Variants in KPNA6 observed in about 807,000 individuals in gnomAD.
The protein encoded by KPNA6 is importin subunit alpha-7.
Under a neutral mutation model 72.0 loss-of-function variants are expected in KPNA6, and 9 were observed. That is an observed-to-expected ratio of 0.13 (90% CI 0.08 to 0.22). The LOEUF (loss-of-function observed/expected upper bound fraction) is 0.22, where lower values mean the gene tolerates loss of function less well. Ranked by LOEUF, KPNA6 falls within the 10% of genes least tolerant of loss-of-function variation. The probability of loss-of-function intolerance (pLI) is 1.00; values close to 1 mark genes in which losing one functional copy is unlikely to be tolerated. For missense variants in KPNA6, 374 were observed against 655.7 expected (o/e 0.57, Z 4.69); for synonymous variants, 219 against 242.1 (o/e 0.90, Z 0.89).
At chr1:32,123,935 G>T (rs1641483353) in intron 1 of KPNA6, among the ~76,000 whole-genome samples, 1 of 150,092 alleles carries the variant, frequency 6.7e-6, no homozygotes, top group Non-Finnish European at 1.5e-5. Context: ...TCAGGAGGCT[G>T]AGGCAGGAGA....
rs1186711432 is a variant in KPNA6 at position 32,172,879 on chromosome 1, G to A, written c.*1985G>A. 3 of 385,722 alleles carry A rather than the reference G, an allele frequency of 7.8e-6. No homozygotes were observed. Among genetic ancestry groups the A allele is most frequent in the African/African-American group, 6.2e-5 (3 of 48,198 alleles). 23.9% of individuals were successfully genotyped at this position (385,722 alleles called of 1,614,324 possible). A position where few individuals can be genotyped will look rare whatever the true frequency, so the allele number is the denominator to read the frequency against. ...TCCTTCTGGCTCAGGTGAAATCCAT[G>A]CCCTTCTGCTTATAGACCTAAAGTT... On this transcript the variant is annotated 3_prime_UTR_variant, in exon 14 of 14. Coordinates refer to ENST00000373625, the MANE Select transcript of KPNA6 (RefSeq NM_012316.5).
At chr1:32,118,260 CCTT>C (rs371544986) in intron 1 of KPNA6, among the ~76,000 whole-genome samples, 40 of 152,152 alleles carry the variant, frequency 2.6e-4, no homozygotes, top group African/African-American at 9.6e-4. Flanking sequence ...TTAAATACTG[CCTT>C]CTTCATGAAC....
chr1:32,163,137 A>G (rs1468257744), intron 9 of KPNA6, 98 bp from the exon 10 acceptor site: 2 of 749,822 alleles, frequency 2.7e-6, no homozygotes, highest in Non-Finnish European at 2.4e-6. Flanking sequence ...AAAAGGGTAC[A>G]GGTTCCTTAA....
At chr1:32,165,998 A>AT in intron 10 of KPNA6, 107 bp from the exon 11 acceptor site, 1 of 854,386 alleles carries the variant, frequency 1.2e-6, no homozygotes, top group African/African-American at 1.8e-5. Flanking sequence ...ACTCTGTCTC[A>AT]AAAAAAAAAA....
In KPNA6 at chr1:32,144,158, T is replaced by G. The variant is rs556872925; in HGVS notation, c.5-10430T>G. Among the ~76,000 whole-genome samples the G allele has an allele frequency of 5.3e-5, 8 of 152,316 alleles. No homozygotes were observed. The East Asian group carries it at 1.3e-3, about 26-fold the overall frequency. ...AACACATAACAATATGCCAGCATCA[T>G]CACTTTTGCACTTTGGGGCCATTAT... On this transcript the variant is annotated intron_variant, in intron 1 of 13. Coordinates refer to ENST00000373625, the MANE Select transcript of KPNA6 (RefSeq NM_012316.5).
rs577275619 is a variant in KPNA6, at chr1:32,141,351, G to C, written c.5-13237G>C. On this transcript the variant is annotated intron_variant, in intron 1 of 13. Transcript: ENST00000373625. The stretch of plus-strand genomic sequence containing the variant: ...CCTCAGTTTTTTCATTTATCCATTA[G>C]GGCTTTTTTTTTTTAAGTTAATCCT... 3.2e-4 allele frequency among the ~76,000 whole-genome samples: 40 copies of C among 126,066 alleles called. No homozygotes were observed. The South Asian group carries it at 9.0e-3, about 28-fold the overall frequency. 82.7% of individuals were successfully genotyped at this position (126,066 alleles called of 152,430 possible).
intron 1 of KPNA6, among the ~76,000 whole-genome samples, chr1:32,123,963 G>A (rs567289841): frequency 6.7e-6 from 1 of 150,004 alleles, no homozygotes; most frequent in East Asian, 2.0e-4. Flanking sequence ...GAACCTGGGA[G>A]GTGGAGGTTG....
At chr1:32,154,502 G>A in intron 1 of KPNA6, 86 bp from the exon 2 acceptor site, 1 of 1,455,864 alleles carries the variant, frequency 6.9e-7, no homozygotes, top group Non-Finnish European at 9.4e-7. Flanking sequence ...GTAGGGGAGG[G>A]TGAAGGGTGG....
At chr1:32,154,492 G>C (rs923408732) in intron 1 of KPNA6, 96 bp from the exon 2 acceptor site, 20 of 1,313,928 alleles carry the variant, frequency 1.5e-5, no homozygotes, top group Non-Finnish European at 2.1e-5. Context: ...TCCCCCCAGA[G>C]TAGGGGAGGG....
At chr1:32,126,037 TTTTTA>T (rs1472252532) in intron 1 of KPNA6, among the ~76,000 whole-genome samples, 1 of 151,730 alleles carries the variant, frequency 6.6e-6, no homozygotes, top group African/African-American at 2.4e-5. Flanking sequence ...TTCTTTTTTC[TTTTTA>T]TTTTGTTTGT....
chr1:32,132,779 T>C (rs1362429416), intron 1 of KPNA6, among the ~76,000 whole-genome samples: 3 of 152,122 alleles, frequency 2.0e-5, no homozygotes, highest in Non-Finnish European at 4.4e-5. Flanking sequence ...GGCAGGCACC[T>C]GTAGTCCCAG....
chr1:32,108,701 G>A (rs1280991466), intron 1 of KPNA6, among the ~76,000 whole-genome samples: 1 of 152,254 alleles, frequency 6.6e-6, no homozygotes, highest in African/African-American at 2.4e-5. Context: ...GAATCAAGGC[G>A]GAAATAGTGT....
At chr1:32,141,047 A>G (rs1641827143) in intron 1 of KPNA6, among the ~76,000 whole-genome samples, 1 of 152,174 alleles carries the variant, frequency 6.6e-6, no homozygotes, top group Non-Finnish European at 1.5e-5. Flanking sequence ...CTTTGGGGGA[A>G]TTAATCCTGA....
chr1:32,122,891 A>C (rs1042568901), intron 1 of KPNA6, among the ~76,000 whole-genome samples: 10 of 147,944 alleles, frequency 6.8e-5, no homozygotes, highest in African/African-American at 2.5e-4. Context: ...TGGTAGGCAG[A>C]GGTTGCAGTG....
intron 1 of KPNA6, among the ~76,000 whole-genome samples, chr1:32,135,840 C>T (rs1298774279): frequency 6.6e-6 from 1 of 151,306 alleles, no homozygotes; most frequent in Non-Finnish European, 1.5e-5. Flanking sequence ...TTGCCCAGCT[C>T]TATAAATACA....
chr1:32,133,420 C>G (rs1318352125), intron 1 of KPNA6, among the ~76,000 whole-genome samples: 4 of 150,396 alleles, frequency 2.7e-5, no homozygotes, highest in African/African-American at 9.8e-5. Flanking sequence ...GTGGTTCATA[C>G]CTGTAATCCA....
At chr1:32,119,958 A>C (rs1202104334) in intron 1 of KPNA6, among the ~76,000 whole-genome samples, 1 of 151,520 alleles carries the variant, frequency 6.6e-6, no homozygotes, top group Non-Finnish European at 1.5e-5. Flanking sequence ...GGCTGGTCTC[A>C]AACTTCTGAC....
At chr1:32,163,596 T>C (rs907754419) in intron 10 of KPNA6, among the ~76,000 whole-genome samples, 1 of 152,158 alleles carries the variant, frequency 6.6e-6, no homozygotes, top group Non-Finnish European at 1.5e-5. Flanking sequence ...CCTGGGACAT[T>C]GTGAGTTAGT....
chr1:32,123,155 G>C (rs1219649197), intron 1 of KPNA6, among the ~76,000 whole-genome samples: 1 of 152,102 alleles, frequency 6.6e-6, no homozygotes, highest in Non-Finnish European at 1.5e-5. Context: ...TGGATGTGGG[G>C]TGGGAGTTAA....
Sources: gnomAD v4.1 joint callset for allele counts (sites outside exome capture counted in the v4.1 genomes callset) on GRCh38, gnomAD v4.1.1 for gene constraint, MANE v1.5 for transcripts, NCBI Gene and HGNC (gene_info 2026-07-23, HGNC 2026-07-21) for gene names.